Variants in SYT1 observed in about 807,000 individuals in gnomAD.
The protein encoded by SYT1 is synaptotagmin 1, also known as synaptotagmin-1.
SYT1 carries 8 observed loss-of-function variants against 44.8 expected under a neutral mutation model. The ratio of observed to expected loss-of-function variants is 0.18; its 90% CI spans 0.10 to 0.32. The LOEUF (loss-of-function observed/expected upper bound fraction) is 0.32, where lower values mean the gene tolerates loss of function less well. SYT1 is among the 10% of genes least tolerant of loss of function. SYT1 has a pLI of 1.00. For synonymous variants in SYT1, 154 were observed against 188.8 expected (o/e 0.82, Z 1.51); for missense variants, 286 against 509.3 (o/e 0.56, Z 4.22).
chr12:78,958,640 A>C (rs995575247), intron 1 of SYT1, among the ~76,000 whole-genome samples: 7 of 152,160 alleles, frequency 4.6e-5, no homozygotes, highest in Middle Eastern at 3.4e-3. Context: ...GGTTGCAGTG[A>C]GTCAAGATCA....
chr12:78,944,529 G>A (rs993455749), intron 1 of SYT1, among the ~76,000 whole-genome samples: 2 of 151,748 alleles, frequency 1.3e-5, no homozygotes, highest in Non-Finnish European at 2.9e-5. Context: ...AACTCCTGGG[G>A]GGAAATGCAG....
intron 4 of SYT1, among the ~76,000 whole-genome samples, chr12:79,237,347 G>A (rs938422923): frequency 1.3e-5 from 2 of 152,126 alleles, no homozygotes; most frequent in African/African-American, 2.4e-5. Context: ...TAAATAAAGT[G>A]GATATATGTT....
At position 79,153,506 on chromosome 12, in the gene SYT1, A is replaced by G. The variant is rs552275707; in HGVS notation, c.-17-63997A>G. ...CTGTGGTTAAAAACTCAGTTGATGAACAATACAGACACATTAATTATGACT... is the reference window on the plus strand; with the variant it reads ...CTGTGGTTAAAAACTCAGTTGATGAGCAATACAGACACATTAATTATGACT... On this transcript the variant is annotated intron_variant, in intron 3 of 10. Coordinates refer to ENST00000261205, the MANE Select transcript of SYT1 (RefSeq NM_005639.3). 2.6e-5 allele frequency among the ~76,000 whole-genome samples: 4 copies of G among 152,296 alleles called. No homozygotes were observed. The South Asian group carries it at 8.3e-4, about 32-fold the overall frequency.
intron 3 of SYT1, among the ~76,000 whole-genome samples, chr12:79,085,966 C>CA (rs1474428892): frequency 1.3e-5 from 2 of 151,992 alleles, no homozygotes; most frequent in Non-Finnish European, 2.9e-5. Context: ...TTGAGGGTCC[C>CA]ATAATATGAT....
chr12:79,154,770 A>C (rs1030606064), intron 3 of SYT1, among the ~76,000 whole-genome samples: 1 of 152,162 alleles, frequency 6.6e-6, no homozygotes, highest in Admixed American at 6.6e-5. Flanking sequence ...GAATGTGTGA[A>C]GATAAGTTTA....
chr12:79,354,942 C>A (rs1883052605), intron 9 of SYT1, among the ~76,000 whole-genome samples: 1 of 152,162 alleles, frequency 6.6e-6, no homozygotes, highest in Non-Finnish European at 1.5e-5. Context: ...TCCCAAATAT[C>A]CATGCCAACC....
At chr12:79,286,636 C>A (rs1879328328) in intron 5 of SYT1, among the ~76,000 whole-genome samples, 1 of 152,020 alleles carries the variant, frequency 6.6e-6, no homozygotes, top group Non-Finnish European at 1.5e-5. Context: ...ATCCATCTGG[C>A]TGGGTTATCT....
intron 3 of SYT1, among the ~76,000 whole-genome samples, chr12:79,049,388 G>C (rs184127009): frequency 4.6e-5 from 7 of 151,818 alleles, no homozygotes; most frequent in Admixed American, 3.3e-4. Context: ...ATGTGGTTTG[G>C]AGCAGGTTTT....
At chr12:79,291,805 T>A in intron 5 of SYT1, 1 of 703,198 alleles carries the variant, frequency 1.4e-6, no homozygotes, top group Non-Finnish European at 2.5e-6. Flanking sequence ...TCCATTTTGC[T>A]TGCTGATTGG....
intron 3 of SYT1, among the ~76,000 whole-genome samples, chr12:79,050,902 T>A (rs569301828): frequency 1.3e-5 from 2 of 152,184 alleles, no homozygotes; most frequent in Admixed American, 6.6e-5. Flanking sequence ...TGTGTAATAG[T>A]GGCATAAAGC....
intron 8 of SYT1, among the ~76,000 whole-genome samples, chr12:79,308,614 AAGAAAGAAAGAAAG>A: frequency 5.0e-5 from 1 of 20,092 alleles, no homozygotes; most frequent in Admixed American, 7.0e-4. Flanking sequence ...AAGAAAGAAA[AAGAAAGAAAGAAAG>A]AAAGAAAGAA....
At chr12:79,059,151 T>C (rs1284052085) in intron 3 of SYT1, among the ~76,000 whole-genome samples, 1 of 151,904 alleles carries the variant, frequency 6.6e-6, no homozygotes, top group East Asian at 1.9e-4. Flanking sequence ...TATAAAACCA[T>C]CAGATCTCAT....
intron 3 of SYT1, among the ~76,000 whole-genome samples, chr12:79,175,792 A>G (rs1344626071): frequency 2.0e-5 from 3 of 152,092 alleles, no homozygotes; most frequent in Admixed American, 2.0e-4. Flanking sequence ...CTCTATCAGT[A>G]GGCATAAACA....
chr12:79,350,629 A>C (rs1882859066), intron 8 of SYT1, among the ~76,000 whole-genome samples: 1 of 152,154 alleles, frequency 6.6e-6, no homozygotes, highest in African/African-American at 2.4e-5. Flanking sequence ...GAAACACATG[A>C]CAATCATATT....
At chr12:79,029,835 T>C (rs1872734107) in intron 2 of SYT1, among the ~76,000 whole-genome samples, 1 of 151,176 alleles carries the variant, frequency 6.6e-6, no homozygotes, top group South Asian at 2.1e-4. Context: ...AAAAGTTAGC[T>C]GATTTGTATG....
intron 2 of SYT1, among the ~76,000 whole-genome samples, chr12:78,997,482 G>A (rs909738185): frequency 6.6e-6 from 1 of 152,084 alleles, no homozygotes; most frequent in African/African-American, 2.4e-5. Context: ...AGAGTAGGTG[G>A]TAATACTTTG....
intron 3 of SYT1, among the ~76,000 whole-genome samples, chr12:79,194,017 A>C (rs1388199398): frequency 6.6e-6 from 1 of 152,134 alleles, no homozygotes; most frequent in Non-Finnish European, 1.5e-5. Flanking sequence ...TTGAACCCCA[A>C]ATTTCAAATT....
At chr12:79,071,699 T>G (rs1266222881) in intron 3 of SYT1, among the ~76,000 whole-genome samples, 2 of 152,148 alleles carry the variant, frequency 1.3e-5, no homozygotes, top group Admixed American at 6.6e-5. Flanking sequence ...CCCAGGCACT[T>G]CTTAACTGTG....
At chr12:79,048,180 G>C (rs753765889) in intron 3 of SYT1, among the ~76,000 whole-genome samples, 4 of 151,704 alleles carry the variant, frequency 2.6e-5, no homozygotes, top group Non-Finnish European at 5.9e-5. Flanking sequence ...AAATATTAGA[G>C]TAAAACATAG....
Sources: gnomAD v4.1 joint callset for allele counts (sites outside exome capture counted in the v4.1 genomes callset) on GRCh38, gnomAD v4.1.1 for gene constraint, MANE v1.5 for transcripts, NCBI Gene and HGNC (gene_info 2026-07-23, HGNC 2026-07-21) for gene names.